The following PTK2 variants were observed in gnomAD, a reference collection of about 807,000 sequenced individuals.
PTK2 encodes the protein focal adhesion kinase 1.
A neutral mutation model predicts 150.1 loss-of-function variants in PTK2; 45 were observed. The observed-to-expected ratio is 0.30, with a 90% CI of 0.24 to 0.38. The LOEUF is 0.38. PTK2 is among the 10% of genes least tolerant of loss of function. The pLI is 1.00. For missense variants in PTK2, 919 were observed against 1,307.3 expected (o/e 0.70, Z 4.58); for synonymous variants, 432 against 449.2 (o/e 0.96, Z 0.48).
intron 1 of PTK2, among the ~76,000 whole-genome samples, chr8:140,976,819 G>C (rs1309234751): frequency 6.6e-6 from 1 of 152,118 alleles, no homozygotes; most frequent in African/African-American, 2.4e-5. Context: ...TAAGTGGCTA[G>C]GTACCTAAAA....
At chr8:140,963,297 T>TA (rs1016516924) in intron 1 of PTK2, among the ~76,000 whole-genome samples, 3 of 152,220 alleles carry the variant, frequency 2.0e-5, no homozygotes, top group Admixed American at 6.5e-5. Context: ...TTATTCCTGT[T>TA]ACACATTTCC....
intron 1 of PTK2, among the ~76,000 whole-genome samples, chr8:140,951,568 A>G (rs1030105946): frequency 6.6e-6 from 1 of 152,210 alleles, no homozygotes; most frequent in Non-Finnish European, 1.5e-5. Context: ...CAAGATGGGT[A>G]GATTTTGTCC....
chr8:140,686,867 G>A, intron 26 of PTK2, 173 bp from the exon 30 acceptor site: 1 of 615,236 alleles, frequency 1.6e-6, no homozygotes, highest in Non-Finnish European at 2.9e-6. Flanking sequence ...TGGCTGCCTT[G>A]GGAAGAACTG....
At chr8:140,961,880 C>CA (rs1026694358) in intron 1 of PTK2, among the ~76,000 whole-genome samples, 6 of 152,008 alleles carry the variant, frequency 3.9e-5, no homozygotes, top group African/African-American at 1.4e-4. Context: ...TCCCTTCAAC[C>CA]ATACAACCCA....
At chr8:140,963,284 G>A (rs182079277) in intron 1 of PTK2, among the ~76,000 whole-genome samples, 9 of 152,146 alleles carry the variant, frequency 5.9e-5, no homozygotes, top group African/African-American at 2.2e-4. Flanking sequence ...ACCTCTCAAG[G>A]AATTATTCCT....
At chr8:140,660,715 G>A in intron 31 of PTK2, 1 of 433,690 alleles carries the variant, frequency 2.3e-6, no homozygotes. Flanking sequence ...GACAGAGCCA[G>A]ACCATTATGT....
chr8:140,755,576 G>C (rs1291557043), intron 16 of PTK2, among the ~76,000 whole-genome samples: 1 of 152,140 alleles, frequency 6.6e-6, no homozygotes, highest in Non-Finnish European at 1.5e-5. Flanking sequence ...AACACGTCTT[G>C]TCAGAAGTTC....
chr8:140,770,552 C>T (rs531538603), intron 14 of PTK2, among the ~76,000 whole-genome samples, 164 bp downstream of exon 15: 12 of 152,158 alleles, frequency 7.9e-5, no homozygotes, highest in Non-Finnish European at 1.5e-4. Flanking sequence ...AAAACCTTGC[C>T]CCCACCCCAA....
In PTK2 at chr8:140,776,458, G is replaced by A. The variant is rs537051674; in HGVS notation, c.1178-12168C>T. 1.9e-4 allele frequency among the ~76,000 whole-genome samples: 29 copies of A among 152,258 alleles called. 1 individual carries two copies. In the Middle Eastern group the frequency reaches 0.014, roughly 71 times the overall value. ...TTGGTCTTCTAAATATATTCCCAGTGTAAACCCTAAAGGAAAAAACTTAGG... is the reference window on the plus strand; with the variant it reads ...TTGGTCTTCTAAATATATTCCCAGTATAAACCCTAAAGGAAAAAACTTAGG... On this transcript the variant is annotated intron_variant, in intron 14 of 31. Coordinates refer to ENST00000522684, the Ensembl canonical transcript of PTK2.
intron 22 of PTK2, chr8:140,721,525 C>T (rs549372189): frequency 8.5e-5 from 13 of 152,122 alleles, no homozygotes; most frequent in Non-Finnish European, 1.6e-4. Context: ...AAATCCATAC[C>T]TCAAAAGGCT....
intron 1 of PTK2, among the ~76,000 whole-genome samples, chr8:140,996,881 C>T (rs2100197985): frequency 1.3e-5 from 2 of 152,202 alleles, no homozygotes; most frequent in Admixed American, 1.3e-4. Context: ...ATTAAGAAGA[C>T]ATTTTGACTT....
chr8:140,888,242 T>C (rs1466012961), intron 3 of PTK2, among the ~76,000 whole-genome samples: 1 of 152,232 alleles, frequency 6.6e-6, no homozygotes, highest in Non-Finnish European at 1.5e-5. Context: ...TTCAGTCCCT[T>C]TGTTCAGATG....
At chr8:140,863,380 A>T (rs2100137370) in intron 5 of PTK2, among the ~76,000 whole-genome samples, 1 of 152,230 alleles carries the variant, frequency 6.6e-6, no homozygotes. Flanking sequence ...CTCAAAAAAA[A>T]AAATTCTGGT....
intron 1 of PTK2, among the ~76,000 whole-genome samples, chr8:140,981,336 G>C (rs2100191343): frequency 6.6e-6 from 1 of 152,116 alleles, no homozygotes; most frequent in Non-Finnish European, 1.5e-5. Flanking sequence ...TTCAGGAGAG[G>C]TGACTTAAGG....
chr8:140,803,556 G>A (rs878878686), exon 11 of PTK2: 2 of 1,611,718 alleles, frequency 1.2e-6, no homozygotes, highest in Non-Finnish European at 1.7e-6. Flanking sequence ...GGGTGCACCT[G>A]CTATTTTTAG....
chr8:140,735,144 C>G, intron 22 of PTK2, 107 bp downstream of exon 25: 1 of 1,028,022 alleles, frequency 9.7e-7, no homozygotes, highest in Non-Finnish European at 1.4e-6. Context: ...AAAAATAGTT[C>G]GGCCTTAGAC....
intron 1 of PTK2, among the ~76,000 whole-genome samples, chr8:140,959,769 G>C (rs182301319): frequency 2.6e-5 from 4 of 152,162 alleles, no homozygotes; most frequent in East Asian, 3.9e-4. Context: ...AAGGTTGGAG[G>C]ACAGCCTGAG....
Position 140,715,730 on chromosome 8 carries a change from A to G in PTK2, c.2142+1868T>C, listed in dbSNP as rs112765079. On this transcript the variant is annotated intron_variant, in intron 23 of 31. Coordinates refer to ENST00000522684, the Ensembl canonical transcript of PTK2. ...ACAAATAAACCTTTGTGTAGAGTGC[A>G]GCAATCTGCTTATAGAAAAGAATCT... Among the ~76,000 whole-genome samples, 471 of 152,160 alleles carry G rather than the reference A, an allele frequency of 3.1e-3. 4 individuals carry two copies. Among genetic ancestry groups the G allele is most frequent in the Middle Eastern group, 0.02 (6 of 294 alleles).
chr8:140,875,192 A>C (rs1045517193), intron 4 of PTK2, among the ~76,000 whole-genome samples: 3 of 152,216 alleles, frequency 2.0e-5, no homozygotes, highest in African/African-American at 7.2e-5. Flanking sequence ...GAACATACTC[A>C]GCAGAGTCAC....
Sources: allele counts gnomAD v4.1 joint callset (sites outside exome capture counted in the v4.1 genomes callset), GRCh38; gene constraint gnomAD v4.1.1; transcripts MANE v1.5; gene names NCBI Gene and HGNC (gene_info 2026-07-23, HGNC 2026-07-21).